FRAS1: variants seen among roughly 807,000 people sequenced by gnomAD.
FRAS1 encodes Fraser extracellular matrix complex subunit 1.
In FRAS1, 290 loss-of-function variants were observed where a neutral mutation model predicts 435.2. That is an observed-to-expected ratio of 0.67 (90% CI 0.61 to 0.73). The LOEUF is 0.73. FRAS1 is among the 30% of genes least tolerant of loss of function. The pLI is 0.00. For synonymous variants in FRAS1, 1,800 were observed against 1,851.0 expected, an observed-to-expected ratio of 0.97 and a Z score of 0.71; for missense variants, 4,860 against 5,001.5, an observed-to-expected ratio of 0.97 and a Z score of 0.85.
At chr4:78,082,813 G>A (rs180849003) in intron 2 of FRAS1, among the ~76,000 whole-genome samples, 32 of 152,072 alleles carry the variant, frequency 2.1e-4, no homozygotes, top group Admixed American at 1.2e-3. Flanking sequence ...TAGGTTTCTC[G>A]TCAATTTGTT....
rs1486484998 is a variant in FRAS1, at chr4:78,543,018, AG to A, written c.*1896del. On this transcript the variant is annotated 3_prime_UTR_variant, in exon 74 of 74. Transcript: ENST00000512123. Reference sequence around the variant, plus strand: ...GAGACTATGAATTGGCATCCAGAACAGGAGATTTAGAGCAAAATCTAATTTA... The same window carrying A: ...GAGACTATGAATTGGCATCCAGAACAGAGATTTAGAGCAAAATCTAATTTA... 1 of 152,226 alleles carries A rather than the reference AG, an allele frequency of 6.6e-6. No individual in the cohort carries two copies. The highest frequency in any genetic ancestry group is 6.5e-5 in the Admixed American group (1 of 15,286). 9.4% of individuals were successfully genotyped at this position (152,226 alleles called of 1,614,324 possible).
chr4:78,441,973 C>T (rs1734676186), intron 41 of FRAS1, among the ~76,000 whole-genome samples: 1 of 152,242 alleles, frequency 6.6e-6, no homozygotes, highest in Non-Finnish European at 1.5e-5. Flanking sequence ...GCAATTGAGA[C>T]AGCTCATGGC....
At chr4:78,467,004 G>A (rs1719552447) in intron 50 of FRAS1, among the ~76,000 whole-genome samples, 1 of 151,966 alleles carries the variant, frequency 6.6e-6, no homozygotes, top group Non-Finnish European at 1.5e-5. Flanking sequence ...GTTTTGATAT[G>A]GGCATACAAT....
chr4:78,123,938 T>A (rs1578139688), intron 2 of FRAS1, among the ~76,000 whole-genome samples: 2 of 152,238 alleles, frequency 1.3e-5, no homozygotes, highest in African/African-American at 4.8e-5. Flanking sequence ...ACTATTTGAC[T>A]TCCTCTCTTC....
intron 47 of FRAS1, among the ~76,000 whole-genome samples, chr4:78,463,382 T>A (rs1719430849): frequency 6.6e-6 from 1 of 152,206 alleles, no homozygotes. Context: ...TTCCAGGTCA[T>A]TTTTGATTTG....
intron 44 of FRAS1, among the ~76,000 whole-genome samples, chr4:78,448,934 T>A (rs1718938135): frequency 6.6e-6 from 1 of 152,330 alleles, no homozygotes; most frequent in African/African-American, 2.4e-5. Flanking sequence ...GTCTGCATCT[T>A]ACTAGAGTTC....
intron 2 of FRAS1, among the ~76,000 whole-genome samples, chr4:78,166,654 TCC>T (rs1721342420): frequency 6.6e-6 from 1 of 152,188 alleles, no homozygotes; most frequent in Admixed American, 6.5e-5. Flanking sequence ...AGGCAGTGGT[TCC>T]TTTGAATATA....
intron 6 of FRAS1, among the ~76,000 whole-genome samples, chr4:78,261,384 T>G (rs1165915103): frequency 2.0e-5 from 3 of 152,190 alleles, no homozygotes; most frequent in Non-Finnish European, 4.4e-5. Flanking sequence ...TTTAGAGTGT[T>G]ACTCCTTTGT....
At position 78,531,509 on chromosome 4, in the gene FRAS1, G is replaced by A. The variant is rs545231464; in HGVS notation, c.10926-2940G>A. ...AATAGCTCTTATTATTTTGAGATAT[G>A]TCCCATCAATACCTAGTTTATGGAG... is the stretch of plus-strand genomic sequence containing the variant. On this transcript the variant is annotated intron_variant, in intron 70 of 73. Transcript: ENST00000512123. Among the ~76,000 whole-genome samples, 4 of 152,246 alleles carry A rather than the reference G, an allele frequency of 2.6e-5. No individual in the cohort carries two copies. The East Asian group carries it at 7.7e-4, about 29-fold the overall frequency.
At chr4:78,371,377 G>A (rs886778998) in intron 23 of FRAS1, among the ~76,000 whole-genome samples, 2 of 152,130 alleles carry the variant, frequency 1.3e-5, no homozygotes, top group Non-Finnish European at 2.9e-5. Context: ...GGTTTCTCCA[G>A]TTTCTTAGCA....
Position 78,337,712 on chromosome 4 carries a change from G to T in FRAS1, c.2317G>T (p.Glu773Ter), listed in dbSNP as rs1255742539. Reference protein sequence around the residue: ...PTCRQCHGPLESDCISCYPHI... With the variant: ...PTCRQCHGPL The stretch of plus-strand genomic sequence containing the variant: ...CTGCAGGCAGTGTCATGGGCCGTTG[G>T]AGTCTGACTGCATCTCCTGTTACCC... Residue 773 changes from glutamate (E) to a stop codon, truncating the protein, a stop_gained, in exon 20 of 74, where the codon GAG becomes TAG. Transcript: ENST00000512123. LOFTEE classifies it high-confidence loss of function. The T allele has an allele frequency of 1.2e-6, 2 of 1,613,828 alleles. No individual in the cohort carries two copies. The highest frequency in any genetic ancestry group is 2.7e-5 in the African/African-American group (2 of 74,914).
At chr4:78,513,632 T>A (rs911032615) in intron 65 of FRAS1, 80 bp downstream of exon 65, 2 of 1,281,116 alleles carry the variant, frequency 1.6e-6, no homozygotes, top group Non-Finnish European at 1.1e-6. Context: ...GAGTGAGAAC[T>A]GCTTTTCATG....
In FRAS1 at chr4:78,509,014, TG is replaced by T; in HGVS notation, c.9780+13del. ...ACCAGTGTCAACCACATGGTAGGTCTGGGGGTCTGGGCCTGGTTCTCCCTCC... is the reference window on the plus strand; with the variant it reads ...ACCAGTGTCAACCACATGGTAGGTCTGGGGTCTGGGCCTGGTTCTCCCTCC... On this transcript the variant is annotated intron_variant, in intron 63 of 73. Coordinates refer to ENST00000512123, the MANE Select transcript of FRAS1 (RefSeq NM_025074.7). The T allele has an allele frequency of 6.2e-7, 1 of 1,613,842 alleles. No individual in the cohort carries two copies. The highest frequency in any genetic ancestry group is 8.5e-7 in the Non-Finnish European group (1 of 1,179,826).
chr4:78,431,378 A>G (rs1237998638), intron 37 of FRAS1, among the ~76,000 whole-genome samples: 3 of 152,234 alleles, frequency 2.0e-5, no homozygotes, highest in Non-Finnish European at 4.4e-5. Context: ...ATGTGCAGTT[A>G]ACATATAAAA....
chr4:78,263,590 T>C (rs1476123020), intron 6 of FRAS1, among the ~76,000 whole-genome samples: 1 of 152,218 alleles, frequency 6.6e-6, no homozygotes, highest in Non-Finnish European at 1.5e-5. Flanking sequence ...TTGTTTATTA[T>C]AATAAAGTTG....
intron 20 of FRAS1, among the ~76,000 whole-genome samples, chr4:78,357,076 T>G (rs387122): frequency 0.17 from 25,806 of 152,112 alleles, 2,886 homozygotes; most frequent in African/African-American, 0.32. Flanking sequence ...CTGTTCAACT[T>G]CTGGGTTGCC....
intron 55 of FRAS1, among the ~76,000 whole-genome samples, chr4:78,479,076 C>T (rs577750037): frequency 1.3e-5 from 2 of 152,324 alleles, no homozygotes; most frequent in South Asian, 2.1e-4. Flanking sequence ...CATATCTTTC[C>T]ACCTGCTGTG....
At chr4:78,461,776 T>C (rs2109843998) in intron 47 of FRAS1, among the ~76,000 whole-genome samples, 1 of 152,324 alleles carries the variant, frequency 6.6e-6, no homozygotes, top group East Asian at 1.9e-4. Context: ...AAAGCTTATG[T>C]CCATACAAAG....
At chr4:78,313,847 A>G (rs529756197) in intron 15 of FRAS1, among the ~76,000 whole-genome samples, 6 of 152,296 alleles carry the variant, frequency 3.9e-5, no homozygotes, top group African/African-American at 1.4e-4. Flanking sequence ...AGTCCTTTAA[A>G]GGAACAGTTT....
Sources: allele counts gnomAD v4.1 joint callset (sites outside exome capture counted in the v4.1 genomes callset), GRCh38; gene constraint gnomAD v4.1.1; transcripts MANE v1.5; gene names NCBI Gene and HGNC (gene_info 2026-07-23, HGNC 2026-07-21).